DLG2: variants seen among roughly 807,000 people sequenced by gnomAD.
The protein encoded by DLG2 is disks large homolog 2.
A neutral mutation model predicts 132.5 loss-of-function variants in DLG2; 45 were observed. The observed-to-expected ratio is 0.34, with a 90% CI of 0.27 to 0.44. The LOEUF (loss-of-function observed/expected upper bound fraction) is 0.44, where lower values mean the gene tolerates loss of function less well. Among genes scored for constraint, DLG2 ranks in the 20% least tolerant of loss-of-function variants. DLG2 has a pLI of 1.00. For synonymous variants in DLG2, 424 were observed against 419.6 expected (o/e 1.01, Z -0.13); for missense variants, 1,045 against 1,196.9 (o/e 0.87, Z 1.87).
At chr11:83,507,350 T>G (rs2094756433) in intron 21 of DLG2, among the ~76,000 whole-genome samples, 1 of 151,068 alleles carries the variant, frequency 6.6e-6, no homozygotes, top group Non-Finnish European at 1.5e-5. Flanking sequence ...GAACCACTCC[T>G]GGTACCAAAA....
intron 3 of DLG2, among the ~76,000 whole-genome samples, chr11:85,485,551 A>G (rs2093410976): frequency 6.6e-6 from 1 of 152,162 alleles, no homozygotes; most frequent in Non-Finnish European, 1.5e-5. Context: ...AGAAGTGATG[A>G]GAAGTACTGA....
chr11:84,366,359 A>G, intron 7 of DLG2, among the ~76,000 whole-genome samples: 1 of 152,118 alleles, frequency 6.6e-6, no homozygotes, highest in Non-Finnish European at 1.5e-5. Context: ...CTGCAAAATC[A>G]TGCCAAAATG....
intron 8 of DLG2, among the ~76,000 whole-genome samples, chr11:84,227,105 A>T (rs1195310580): frequency 6.6e-6 from 1 of 151,960 alleles, no homozygotes; most frequent in Non-Finnish European, 1.5e-5. Context: ...TAATTAATTA[A>T]TTAATTAAAA....
intron 6 of DLG2, among the ~76,000 whole-genome samples, chr11:85,006,150 A>T (rs535270030): frequency 6.6e-6 from 1 of 152,208 alleles, no homozygotes; most frequent in Admixed American, 6.5e-5. Context: ...GGATTTTTGC[A>T]TTGAAGTTCA....
intron 21 of DLG2, among the ~76,000 whole-genome samples, chr11:83,524,037 T>C (rs2095547585): frequency 1.3e-5 from 2 of 152,258 alleles, no homozygotes; most frequent in South Asian, 4.1e-4. Flanking sequence ...AGAGTAGTGT[T>C]AGGAAGTTGC....
chr11:83,473,373 C>T (rs1401100456), intron 22 of DLG2, among the ~76,000 whole-genome samples: 2 of 152,010 alleles, frequency 1.3e-5, no homozygotes, highest in East Asian at 1.9e-4. Context: ...CTAAACTGTG[C>T]GTTGAAACTT....
At chr11:83,886,982 C>T (rs1049629023) in intron 15 of DLG2, among the ~76,000 whole-genome samples, 4 of 151,826 alleles carry the variant, frequency 2.6e-5, no homozygotes, top group Admixed American at 6.6e-5. Flanking sequence ...ACTAAATGCC[C>T]ACAAGAGAAA....
chr11:84,392,216 T>C (rs1445577172), intron 7 of DLG2, among the ~76,000 whole-genome samples: 1 of 152,180 alleles, frequency 6.6e-6, no homozygotes, highest in African/African-American at 2.4e-5. Context: ...CAATACTTAG[T>C]TGTTCGCTTT....
intron 19 of DLG2, among the ~76,000 whole-genome samples, chr11:83,557,325 T>C (rs1283908765): frequency 3.3e-5 from 5 of 152,162 alleles, no homozygotes; most frequent in East Asian, 1.9e-4. Flanking sequence ...GATGAGGTGA[T>C]GAGATGACAG....
chr11:84,445,588 C>T (rs912924365), intron 7 of DLG2, among the ~76,000 whole-genome samples: 2 of 152,116 alleles, frequency 1.3e-5, no homozygotes, highest in East Asian at 1.9e-4. Context: ...ACATGGAACT[C>T]ATTCTGTTTC....
intron 22 of DLG2, among the ~76,000 whole-genome samples, chr11:83,474,457 G>A (rs987070533): frequency 3.9e-5 from 6 of 152,192 alleles, no homozygotes; most frequent in Admixed American, 6.5e-5. Context: ...TAGAAGCATC[G>A]TAGACTAACA....
rs1326709481 is a variant in DLG2, at chr11:85,012,894, AC to A, written c.357+98766del. ...AGGTGACTTTTAGACAAATTTTATC[AC>A]CCCTTAGAGCCTGTGTCATCATTTG... On this transcript the variant is annotated intron_variant, in intron 6 of 27. Transcript: ENST00000376104. 3.3e-5 allele frequency among the ~76,000 whole-genome samples: 5 copies of A among 152,208 alleles called. No homozygotes were observed. In the South Asian group the frequency reaches 8.3e-4, roughly 25 times the overall value.
chr11:83,926,211 C>A (rs990479597), intron 15 of DLG2, among the ~76,000 whole-genome samples: 1 of 152,194 alleles, frequency 6.6e-6, no homozygotes, highest in African/African-American at 2.4e-5. Context: ...GGTATTCCCA[C>A]TGAAGCTCAG....
At chr11:84,821,071 T>C (rs1202774916) in intron 6 of DLG2, among the ~76,000 whole-genome samples, 1 of 151,808 alleles carries the variant, frequency 6.6e-6, no homozygotes, top group Non-Finnish European at 1.5e-5. Context: ...CAGAAAAAAA[T>C]CAAATGTGAC....
At chr11:84,385,304 C>T (rs1432032916) in intron 7 of DLG2, among the ~76,000 whole-genome samples, 3 of 152,162 alleles carry the variant, frequency 2.0e-5, no homozygotes, top group Admixed American at 6.5e-5. Context: ...CAAGTCACAG[C>T]CCCAAATGAA....
At chr11:84,748,688 G>C (rs1327459712) in intron 6 of DLG2, among the ~76,000 whole-genome samples, 1 of 152,166 alleles carries the variant, frequency 6.6e-6, no homozygotes, top group African/African-American at 2.4e-5. Flanking sequence ...CTTGGTTTGT[G>C]GTAGAGAAGT....
At chr11:84,408,731 T>C (rs1489300282) in intron 7 of DLG2, among the ~76,000 whole-genome samples, 3 of 152,118 alleles carry the variant, frequency 2.0e-5, no homozygotes, top group Non-Finnish European at 4.4e-5. Flanking sequence ...CATGATAAAA[T>C]CTTGAGGGTC....
At chr11:84,227,338 A>G (rs1470350514) in intron 8 of DLG2, among the ~76,000 whole-genome samples, 1 of 152,112 alleles carries the variant, frequency 6.6e-6, no homozygotes, top group East Asian at 1.9e-4. Flanking sequence ...CTGTGTGATC[A>G]GAGGGAATAA....
At chr11:83,708,913 G>C (rs771565717) in intron 18 of DLG2, among the ~76,000 whole-genome samples, 1 of 152,118 alleles carries the variant, frequency 6.6e-6, no homozygotes, top group Non-Finnish European at 1.5e-5. Flanking sequence ...TTTACTAGTT[G>C]AGTGATCTTG....
Sources: allele counts gnomAD v4.1 joint callset (sites outside exome capture counted in the v4.1 genomes callset), GRCh38; gene constraint gnomAD v4.1.1; transcripts MANE v1.5; gene names NCBI Gene and HGNC (gene_info 2026-07-23, HGNC 2026-07-21).